NEO1: variants seen among roughly 807,000 people sequenced by gnomAD.
NEO1 encodes neogenin 1, also known as neogenin.
In NEO1, 63 loss-of-function variants were observed where a neutral mutation model predicts 159.7. The ratio of observed to expected loss-of-function variants is 0.39; its 90% CI spans 0.32 to 0.49. NEO1 has a LOEUF of 0.49. Among genes scored for constraint, NEO1 ranks in the 20% least tolerant of loss-of-function variants. The pLI, the probability that NEO1 is intolerant of heterozygous loss-of-function variation, is 0.85. For synonymous variants in NEO1, 633 were observed against 662.0 expected (o/e 0.96, Z 0.67); for missense variants, 1,615 against 1,831.0 (o/e 0.88, Z 2.15).
chr15:73,266,164 CA>C, intron 15 of NEO1, 151 bp from the exon 16 acceptor site: 1 of 593,416 alleles, frequency 1.7e-6, no homozygotes, highest in Non-Finnish European at 2.9e-6. Flanking sequence ...CTTCCATCTC[CA>C]TATCTCCCTA....
At chr15:73,068,496 G>A (rs980995373) in intron 1 of NEO1, among the ~76,000 whole-genome samples, 2 of 152,130 alleles carry the variant, frequency 1.3e-5, no homozygotes, top group Non-Finnish European at 2.9e-5. Context: ...ATAGGTGTGA[G>A]CCACTGCACC....
intron 26 of NEO1, among the ~76,000 whole-genome samples, chr15:73,295,138 A>G (rs2042309737): frequency 7.0e-6 from 1 of 142,566 alleles, no homozygotes; most frequent in Non-Finnish European, 1.6e-5. Context: ...ATATATATAT[A>G]TATATGTAAA....
chr15:73,149,561 C>T (rs1019474395), intron 5 of NEO1, among the ~76,000 whole-genome samples: 8 of 151,950 alleles, frequency 5.3e-5, no homozygotes, highest in Non-Finnish European at 1.2e-4. Flanking sequence ...GTCTTTGAGA[C>T]TTATTCTTGT....
At chr15:73,270,554 A>T (rs1196320885) in intron 18 of NEO1, 100 bp downstream of exon 18, 1 of 1,308,316 alleles carries the variant, frequency 7.6e-7, no homozygotes, top group Non-Finnish European at 1.0e-6. Context: ...GTGAGCAACT[A>T]CATTTGGAAT....
intron 15 of NEO1, among the ~76,000 whole-genome samples, chr15:73,263,365 T>G (rs1206724181): frequency 6.6e-6 from 1 of 152,050 alleles, no homozygotes; most frequent in Non-Finnish European, 1.5e-5. Flanking sequence ...AGCTAATTTT[T>G]GTATTTTTGG....
intron 1 of NEO1, among the ~76,000 whole-genome samples, chr15:73,063,285 A>G (rs1225824222): frequency 2.0e-5 from 3 of 152,146 alleles, no homozygotes; most frequent in South Asian, 2.1e-4. Flanking sequence ...AGTGACATAT[A>G]TCATAACCAC....
rs766932280 is a variant in NEO1, at chr15:73,254,813, G to A, written c.2076G>A (p.Leu692=). 3 of 1,612,578 alleles carry A rather than the reference G, an allele frequency of 1.9e-6. No individual in the cohort carries two copies. The South Asian group carries it at 3.3e-5, about 18-fold the overall frequency. ...AGACCTTGGTAAGCGGGACACAGCTGTCTCAGCTGATTGAAGGTAAGCTAC... is the reference window on the plus strand; with the variant it reads ...AGACCTTGGTAAGCGGGACACAGCTATCTCAGCTGATTGAAGGTAAGCTAC... The part of the protein sequence containing the change: ...VTETLVSGTQ[L]SQLIEGLDRG... The change falls in exon 13 of 29, where the codon CTG becomes CTA. Residue 692 remains leucine, a synonymous_variant. Coordinates refer to ENST00000261908, the MANE Select transcript of NEO1 (RefSeq NM_002499.4).
chr15:73,122,100 TTA>T (rs1288497742), intron 2 of NEO1, among the ~76,000 whole-genome samples: 1 of 64,764 alleles, frequency 1.5e-5, no homozygotes, highest in Non-Finnish European at 3.1e-5. Context: ...TATATACACA[TTA>T]TATATATTAT....
chr15:73,256,438 C>T (rs376728024), intron 13 of NEO1, among the ~76,000 whole-genome samples: 5 of 152,158 alleles, frequency 3.3e-5, no homozygotes, highest in African/African-American at 1.2e-4. Flanking sequence ...AGGCAGAGGC[C>T]GCAGTGAACT....
At chr15:73,119,066 GTTACCATATGACCTAGCA>G (rs1413829506) in intron 2 of NEO1, among the ~76,000 whole-genome samples, 2 of 152,098 alleles carry the variant, frequency 1.3e-5, no homozygotes, top group Admixed American at 6.6e-5. Flanking sequence ...TAACCATAGT[GTTACCATATGACCTAGCA>G]GTTCCACTTG....
intron 7 of NEO1, among the ~76,000 whole-genome samples, chr15:73,224,279 AGT>A (rs1461603506): frequency 6.6e-6 from 1 of 152,194 alleles, no homozygotes; most frequent in Non-Finnish European, 1.5e-5. Flanking sequence ...CACTGATGAC[AGT>A]GTGCTTAGGT....
At chr15:73,262,934 G>A (rs977096502) in intron 15 of NEO1, among the ~76,000 whole-genome samples, 4 of 152,078 alleles carry the variant, frequency 2.6e-5, no homozygotes, top group African/African-American at 4.8e-5. Context: ...GACCAAAGAC[G>A]TCAAACACTG....
chr15:73,226,694 G>A (rs542583023), intron 7 of NEO1, among the ~76,000 whole-genome samples: 1 of 152,236 alleles, frequency 6.6e-6, no homozygotes, highest in African/African-American at 2.4e-5. Context: ...ATCTGACTCC[G>A]TTCTGAATAA....
At chr15:73,201,739 T>C (rs1186988783) in intron 7 of NEO1, among the ~76,000 whole-genome samples, 1 of 152,140 alleles carries the variant, frequency 6.6e-6, no homozygotes, top group African/African-American at 2.4e-5. Flanking sequence ...ATTCTGGCAC[T>C]CTTTTGTTGG....
Position 73,085,788 on chromosome 15 carries a change from G to A in NEO1, c.131-30752G>A, listed in dbSNP as rs150149190. Reference sequence around the variant, plus strand: ...GGTGAAGTGTGTATGCAAATCTTTTGCCCATTAAGAAAATTGGGGTTGTTT... The same window carrying A: ...GGTGAAGTGTGTATGCAAATCTTTTACCCATTAAGAAAATTGGGGTTGTTT... On this transcript the variant is annotated intron_variant, in intron 1 of 28. Coordinates refer to ENST00000261908, the MANE Select transcript of NEO1 (RefSeq NM_002499.4). Among the ~76,000 whole-genome samples, 12 of 152,150 alleles carry A rather than the reference G, an allele frequency of 7.9e-5. No homozygotes were observed. In the East Asian group the frequency reaches 2.3e-3, roughly 29 times the overall value.
chr15:73,066,039 T>C (rs1222282599), intron 1 of NEO1, among the ~76,000 whole-genome samples: 1 of 149,904 alleles, frequency 6.7e-6, no homozygotes, highest in Non-Finnish European at 1.5e-5. Flanking sequence ...TCTTTTCTTT[T>C]TTTTTTTTTT....
rs769614574 is a variant in NEO1 at position 73,244,319 on chromosome 15, C to G, written c.1452-25C>G. 2.5e-6 allele frequency: 4 copies of G among 1,599,416 alleles called. No individual in the cohort carries two copies. In the South Asian group the frequency reaches 4.5e-5, roughly 18 times the overall value. On this transcript the variant is annotated intron_variant, in intron 8 of 28. Transcript: ENST00000261908. Reference sequence around the variant, plus strand: ...TGGAAGTATTCCTAATTAATGCTATCTCTCTCCAAATCCTTTGTCTAAAGG... The same window carrying G: ...TGGAAGTATTCCTAATTAATGCTATGTCTCTCCAAATCCTTTGTCTAAAGG...
intron 8 of NEO1, among the ~76,000 whole-genome samples, chr15:73,241,615 G>A (rs190875097): frequency 6.6e-6 from 1 of 152,108 alleles, no homozygotes. Context: ...CTAACTTCCA[G>A]CCCAGTGCTT....
chr15:73,060,578 T>G (rs1014885990), intron 1 of NEO1, among the ~76,000 whole-genome samples: 16 of 150,958 alleles, frequency 1.1e-4, no homozygotes, highest in African/African-American at 3.9e-4. Context: ...GGCAACTAGT[T>G]GTTTTAAATT....
Sources: allele counts gnomAD v4.1 joint callset (sites outside exome capture counted in the v4.1 genomes callset), GRCh38; gene constraint gnomAD v4.1.1; transcripts MANE v1.5; gene names NCBI Gene and HGNC (gene_info 2026-07-23, HGNC 2026-07-21).